Variants in CDH10 observed in about 807,000 individuals in gnomAD.
The protein encoded by CDH10 is cadherin-10.
Under a neutral mutation model 73.1 loss-of-function variants are expected in CDH10, and 30 were observed. That is an observed-to-expected ratio of 0.41 (90% CI 0.31 to 0.56). The LOEUF is 0.56. Ranked by LOEUF, CDH10 falls within the 20% of genes least tolerant of loss-of-function variation. The pLI, the probability that CDH10 is intolerant of heterozygous loss-of-function variation, is 0.27. For missense variants in CDH10, 815 were observed against 973.7 expected, an observed-to-expected ratio of 0.84 and a Z score of 2.17; for synonymous variants, 345 against 348.2, an observed-to-expected ratio of 0.99 and a Z score of 0.10.
chr5:24,630,336 G>C (rs1157626927), intron 1 of CDH10, among the ~76,000 whole-genome samples: 1 of 151,892 alleles, frequency 6.6e-6, no homozygotes, highest in African/African-American at 2.4e-5. Context: ...CAGATCACTT[G>C]ACGTCAGGAG....
chr5:24,579,296 T>C (rs567369577), intron 2 of CDH10, among the ~76,000 whole-genome samples: 1 of 151,818 alleles, frequency 6.6e-6, no homozygotes, highest in South Asian at 2.1e-4. Flanking sequence ...TCTTATTCGA[T>C]ATTGTATTAG....
intron 11 of CDH10, among the ~76,000 whole-genome samples, chr5:24,489,766 G>C (rs1741981474): frequency 6.6e-6 from 1 of 152,002 alleles, no homozygotes; most frequent in Admixed American, 6.6e-5. Context: ...ACTATAAAAT[G>C]AATTATCATT....
intron 1 of CDH10, among the ~76,000 whole-genome samples, chr5:24,609,350 C>T (rs188120903): frequency 3.3e-5 from 5 of 152,116 alleles, no homozygotes. Context: ...GCACAGGCTG[C>T]GTGGAAAGTA....
intron 9 of CDH10, among the ~76,000 whole-genome samples, chr5:24,496,366 G>C (rs912207102): frequency 2.0e-5 from 3 of 152,110 alleles, no homozygotes; most frequent in African/African-American, 4.8e-5. Flanking sequence ...AACAAAAACA[G>C]CTAGCCCTCT....
At chr5:24,553,511 C>A (rs1297764201) in intron 2 of CDH10, among the ~76,000 whole-genome samples, 2 of 152,214 alleles carry the variant, frequency 1.3e-5, no homozygotes, top group Admixed American at 1.3e-4. Flanking sequence ...TGTCTTCTTG[C>A]TTTACTTCGT....
At chr5:24,557,357 C>T (rs530145385) in intron 2 of CDH10, among the ~76,000 whole-genome samples, 1 of 151,418 alleles carries the variant, frequency 6.6e-6, no homozygotes, top group South Asian at 2.1e-4. Flanking sequence ...AATTTAATGT[C>T]CCTAATTTAC....
chr5:24,523,247 A>G (rs1221257060), intron 5 of CDH10, among the ~76,000 whole-genome samples: 1 of 152,196 alleles, frequency 6.6e-6, no homozygotes, highest in Non-Finnish European at 1.5e-5. Flanking sequence ...AGAAAATTGT[A>G]GCTTAATCCT....
intron 9 of CDH10, among the ~76,000 whole-genome samples, 192 bp downstream of exon 9, chr5:24,498,206 A>T (rs1213954016): frequency 6.6e-6 from 1 of 152,238 alleles, no homozygotes; most frequent in African/African-American, 2.4e-5. Context: ...TTACAAAGGA[A>T]ATATGAAACT....
At chr5:24,496,959 C>G (rs1231419012) in intron 9 of CDH10, among the ~76,000 whole-genome samples, 1 of 152,138 alleles carries the variant, frequency 6.6e-6, no homozygotes, top group Non-Finnish European at 1.5e-5. Flanking sequence ...ATTGCACAGG[C>G]AGCCAATTCA....
At chr5:24,527,439 A>G (rs1207621126) in intron 5 of CDH10, among the ~76,000 whole-genome samples, 1 of 151,384 alleles carries the variant, frequency 6.6e-6, no homozygotes, top group Non-Finnish European at 1.5e-5. Flanking sequence ...AACAAAATAT[A>G]TAGAGTCATG....
chr5:24,600,412 G>A (rs1746517030), intron 1 of CDH10, among the ~76,000 whole-genome samples: 1 of 152,084 alleles, frequency 6.6e-6, no homozygotes, highest in South Asian at 2.1e-4. Flanking sequence ...TCTCAATGGA[G>A]CCATGAATTC....
chr5:24,599,185 A>T lies in CDH10; in HGVS notation c.-123-5572T>A, dbSNP rs1270432589. ...CCTCCTGAAAGTCTCATTTTACTGT[A>T]GCTAGGATTTATTTCATTATGTGGA... On this transcript the variant is annotated intron_variant, in intron 1 of 11. Transcript: ENST00000264463. Among the ~76,000 whole-genome samples, 5 of 152,122 alleles carry T rather than the reference A, an allele frequency of 3.3e-5. No individual in the cohort carries two copies. The East Asian group carries it at 7.7e-4, about 23-fold the overall frequency.
chr5:24,540,243 T>C (rs1218472681), intron 2 of CDH10, among the ~76,000 whole-genome samples: 1 of 151,938 alleles, frequency 6.6e-6, no homozygotes, highest in Non-Finnish European at 1.5e-5. Context: ...AATTTTTATA[T>C]GTTATTAATT....
intron 2 of CDH10, among the ~76,000 whole-genome samples, chr5:24,572,519 T>A (rs1745423247): frequency 6.6e-6 from 1 of 151,864 alleles, no homozygotes; most frequent in Non-Finnish European, 1.5e-5. Context: ...GACAAAACAA[T>A]TAATATTAAA....
intron 2 of CDH10, among the ~76,000 whole-genome samples, chr5:24,555,423 A>G (rs1469371595): frequency 6.6e-6 from 1 of 152,090 alleles, no homozygotes; most frequent in Non-Finnish European, 1.5e-5. Context: ...ACTTCCATAG[A>G]TGTGGCCACT....
At chr5:24,575,152 A>G (rs936907099) in intron 2 of CDH10, among the ~76,000 whole-genome samples, 1 of 151,948 alleles carries the variant, frequency 6.6e-6, no homozygotes, top group Non-Finnish European at 1.5e-5. Flanking sequence ...ACCTGAGGTC[A>G]GGAGCTCCAG....
chr5:24,514,361 T>C (rs1351542962), intron 5 of CDH10, among the ~76,000 whole-genome samples: 1 of 152,198 alleles, frequency 6.6e-6, no homozygotes, highest in Non-Finnish European at 1.5e-5. Flanking sequence ...ATTAATACTA[T>C]CCAATTATCT....
intron 2 of CDH10, among the ~76,000 whole-genome samples, chr5:24,566,721 T>C (rs941756349): frequency 1.3e-5 from 2 of 152,152 alleles, no homozygotes; most frequent in Admixed American, 1.3e-4. Flanking sequence ...ATTTACGTTC[T>C]AATGAAAATC....
intron 1 of CDH10, among the ~76,000 whole-genome samples, chr5:24,634,094 C>T (rs1288829801): frequency 6.6e-6 from 1 of 151,750 alleles, no homozygotes; most frequent in Non-Finnish European, 1.5e-5. Context: ...AAACTTCAGA[C>T]ATTCAAAAAA....
Sources: gnomAD v4.1 joint callset for allele counts (sites outside exome capture counted in the v4.1 genomes callset) on GRCh38, gnomAD v4.1.1 for gene constraint, MANE v1.5 for transcripts, NCBI Gene and HGNC (gene_info 2026-07-23, HGNC 2026-07-21) for gene names.